PRKAG2: variants seen among roughly 807,000 people sequenced by gnomAD.
PRKAG2 encodes the protein 5'-AMP-activated protein kinase subunit gamma-2.
A neutral mutation model predicts 69.6 loss-of-function variants in PRKAG2; 26 were observed. The ratio of observed to expected loss-of-function variants is 0.37; its 90% confidence interval spans 0.27 to 0.52. The LOEUF (loss-of-function observed/expected upper bound fraction) is 0.52, where lower values mean the gene tolerates loss of function less well. PRKAG2 is among the 20% of genes least tolerant of loss of function. The pLI, the probability that PRKAG2 is intolerant of heterozygous loss-of-function variation, is 0.90. For synonymous variants in PRKAG2, 293 were observed against 285.0 expected (o/e 1.03, Z -0.28); for missense variants, 557 against 740.0 (o/e 0.75, Z 2.87).
chr7:151,851,033 G>A (rs2079555256), intron 1 of PRKAG2, among the ~76,000 whole-genome samples: 2 of 152,156 alleles, frequency 1.3e-5, no homozygotes, highest in Admixed American at 1.3e-4. Context: ...CAGCGATCCC[G>A]CCGTCTCTGT....
At chr7:151,693,273 G>C (rs1361638245) in intron 3 of PRKAG2, among the ~76,000 whole-genome samples, 1 of 152,212 alleles carries the variant, frequency 6.6e-6, no homozygotes, top group Non-Finnish European at 1.5e-5. Context: ...CCGCAGCACA[G>C]GAGGCCCAAG....
At chr7:151,672,728 G>C (rs1416017114) in intron 4 of PRKAG2, among the ~76,000 whole-genome samples, 1 of 152,016 alleles carries the variant, frequency 6.6e-6, no homozygotes, top group Non-Finnish European at 1.5e-5. Flanking sequence ...TTTAAGGCTG[G>C]GTACTATTCC....
At chr7:151,675,812 G>A (rs1832848067) in intron 3 of PRKAG2, among the ~76,000 whole-genome samples, 175 bp from the exon 4 acceptor site, 1 of 151,586 alleles carries the variant, frequency 6.6e-6, no homozygotes, top group Non-Finnish European at 1.5e-5. Flanking sequence ...CATTGGAGGT[G>A]GTCAGAGGTC....
At chr7:151,786,444 A>G in intron 2 of PRKAG2, 26 bp downstream of exon 2, 1 of 1,594,618 alleles carries the variant, frequency 6.3e-7, no homozygotes, top group Non-Finnish European at 8.6e-7. Flanking sequence ...GTGAGCTGTG[A>G]GAAACTTCTG....
intron 3 of PRKAG2, among the ~76,000 whole-genome samples, chr7:151,749,657 T>C (rs2074532211): frequency 6.6e-6 from 1 of 151,934 alleles, no homozygotes; most frequent in Admixed American, 6.6e-5. Context: ...GCTGCCTTGA[T>C]TAAATATTTC....
chr7:151,667,003 C>T (rs1287008569), intron 4 of PRKAG2, among the ~76,000 whole-genome samples: 3 of 152,130 alleles, frequency 2.0e-5, no homozygotes, highest in African/African-American at 2.4e-5. Context: ...AACTATTAGC[C>T]GGGATTGCCC....
chr7:151,804,694 T>C (rs1235832328), intron 1 of PRKAG2, among the ~76,000 whole-genome samples: 5 of 152,232 alleles, frequency 3.3e-5, no homozygotes, highest in Non-Finnish European at 7.3e-5. Flanking sequence ...AGACGTGGCA[T>C]CTGTGTAACC....
chr7:151,591,011 C>T (rs1287404604), intron 6 of PRKAG2, among the ~76,000 whole-genome samples: 1 of 152,214 alleles, frequency 6.6e-6, no homozygotes, highest in Non-Finnish European at 1.5e-5. Context: ...CAGGAGGAAT[C>T]CACAGGCTTC....
At chr7:151,770,784 G>A (rs573723605) in intron 3 of PRKAG2, among the ~76,000 whole-genome samples, 48 of 152,278 alleles carry the variant, frequency 3.2e-4, no homozygotes, top group Middle Eastern at 6.8e-3. Context: ...TTAGGAGTTC[G>A]ACCTGGAGCT....
At position 151,814,315 on chromosome 7, in the gene PRKAG2, T is replaced by C. The variant is rs2078570560; in HGVS notation, c.115-27774A>G. 1 of 835,816 alleles carries C rather than the reference T, an allele frequency of 1.2e-6. No individual in the cohort carries two copies. Among genetic ancestry groups the C allele is most frequent in the Non-Finnish European group, 1.5e-6 (1 of 651,568 alleles). 51.8% of individuals were successfully genotyped at this position (835,816 alleles called of 1,614,324 possible). On this transcript the variant is annotated intron_variant, in intron 1 of 15. Transcript: ENST00000287878. This position sits in a 1 kb window ranked among gnomAD's most constrained non-coding sequence, Gnocchi z 4.8. ...CAAAGCCACAATTCAGCATCAGTCT[T>C]ACACACCAAGGAGACAAAGCATCGT...
intron 3 of PRKAG2, among the ~76,000 whole-genome samples, chr7:151,700,056 C>T (rs1378210954): frequency 6.6e-6 from 1 of 152,066 alleles, no homozygotes; most frequent in Non-Finnish European, 1.5e-5. Context: ...GAGTTCTCGG[C>T]AATGTGGTTT....
At chr7:151,621,734 G>A (rs1022207283) in intron 5 of PRKAG2, among the ~76,000 whole-genome samples, 105 of 151,746 alleles carry the variant, frequency 6.9e-4, no homozygotes, top group Admixed American at 6.9e-3. Flanking sequence ...CACCACACCC[G>A]GATAGTTTTT....
intron 5 of PRKAG2, among the ~76,000 whole-genome samples, chr7:151,611,520 A>G (rs577679352): frequency 3.6e-4 from 55 of 152,290 alleles, no homozygotes; most frequent in African/African-American, 1.3e-3. Flanking sequence ...TGAAATATCA[A>G]TTAAGTGGTA....
At chr7:151,745,955 T>C (rs1267785724) in intron 3 of PRKAG2, among the ~76,000 whole-genome samples, 1 of 152,202 alleles carries the variant, frequency 6.6e-6, no homozygotes, top group African/African-American at 2.4e-5. Context: ...TGATTCCAGC[T>C]GCTCCGTGGC....
chr7:151,595,435 A>G lies in PRKAG2; in HGVS notation c.774T>C (p.Ser258=), dbSNP rs1458710152. 2 of 1,613,632 alleles carry G rather than the reference A, an allele frequency of 1.2e-6. No individual in the cohort carries two copies. Among genetic ancestry groups the G allele is most frequent in the Middle Eastern group, 1.6e-4 (1 of 6,084 alleles). The part of the protein sequence containing the change: ...FEDEAVEDSE[S]GVYMRFMRSH... The stretch of plus-strand genomic sequence containing the variant: ...ACCTCATGAATCGCATGTAAACACC[A>G]CTTTCTGAGTCTTCTACTGCTAAAA... The change falls in exon 6 of 16, where the codon AGT becomes AGC. Residue 258 remains serine, a synonymous_variant. Transcript: ENST00000287878.
intron 3 of PRKAG2, among the ~76,000 whole-genome samples, chr7:151,743,747 G>C (rs1377916137): frequency 6.6e-6 from 1 of 152,220 alleles, no homozygotes; most frequent in Admixed American, 6.5e-5. Context: ...GCTGCTCCAT[G>C]CTCGGCATCC....
chr7:151,703,022 G>A (rs1413852083), intron 3 of PRKAG2, among the ~76,000 whole-genome samples: 1 of 152,154 alleles, frequency 6.6e-6, no homozygotes, highest in Non-Finnish European at 1.5e-5. Context: ...TCTCTCCAGG[G>A]ACCCAGCCTC....
At chr7:151,728,841 C>T (rs559826023) in intron 3 of PRKAG2, among the ~76,000 whole-genome samples, 2 of 152,262 alleles carry the variant, frequency 1.3e-5, no homozygotes, top group African/African-American at 2.4e-5. Flanking sequence ...CGTCCACAGG[C>T]GATGCTCACC....
chr7:151,610,739 C>CTTTT (rs10523596), intron 5 of PRKAG2, among the ~76,000 whole-genome samples: 16 of 105,566 alleles, frequency 1.5e-4, no homozygotes, highest in African/African-American at 2.1e-4. Flanking sequence ...TTTTTCTTTT[C>CTTTT]TTTTTTTTTT....
Sources: allele counts gnomAD v4.1 joint callset (sites outside exome capture counted in the v4.1 genomes callset), GRCh38; gene constraint gnomAD v4.1.1; non-coding constraint Gnocchi (gnomAD v3.1); transcripts MANE v1.5; gene names NCBI Gene and HGNC (gene_info 2026-07-23, HGNC 2026-07-21).